LRRCC1: variants seen among roughly 807,000 people sequenced by gnomAD.
The protein encoded by LRRCC1 is leucine rich repeat and coiled-coil centrosomal protein 1, also known as leucine-rich repeat and coiled-coil domain-containing protein 1.
Under a neutral mutation model 126.0 loss-of-function variants are expected in LRRCC1, and 115 were observed. The ratio of observed to expected loss-of-function variants is 0.91; its 90% CI spans 0.78 to 1.07. LRRCC1 has a LOEUF of 1.07. Among genes scored for constraint, LRRCC1 ranks in the 50% least tolerant of loss-of-function variants. The pLI, the probability that LRRCC1 is intolerant of heterozygous loss-of-function variation, is 0.00. For synonymous variants in LRRCC1, 400 were observed against 393.4 expected (o/e 1.02, Z -0.20); for missense variants, 1,172 against 1,175.7 (o/e 1.00, Z 0.05).
intron 6 of LRRCC1, among the ~76,000 whole-genome samples, chr8:85,122,768 CA>C (rs1351055960): frequency 1.1e-4 from 16 of 152,208 alleles, no homozygotes; most frequent in Admixed American, 3.3e-4. Flanking sequence ...CTACGGCAAG[CA>C]ATTTTGAAGT....
chr8:85,127,198 A>G (rs754331330), intron 9 of LRRCC1, among the ~76,000 whole-genome samples: 1 of 152,090 alleles, frequency 6.6e-6, no homozygotes, highest in Admixed American at 6.5e-5. Context: ...CTCATCACAT[A>G]CTTATCTTCT....
In LRRCC1 at chr8:85,115,214, T is replaced by C. The variant is rs1809017236; in HGVS notation, c.659T>C (p.Leu220Pro). Reference protein sequence around the residue: ...TEINSSQLQCLEGLLDNLVSS... With the variant: ...TEINSSQLQCPEGLLDNLVSS... ...ATAAATTCATCACAGCTGCAGTGCC[T>C]AGAAGGTCTTTTGGATAATTTAGTT... Residue 220 changes from leucine (L) to proline (P), a missense_variant, in exon 5 of 19, where the codon CTA (leucine) becomes CCA (proline). Leu to Pro is a moderately conservative substitution (Grantham distance 98, BLOSUM62 -3). Transcript: ENST00000360375. 1.2e-6 allele frequency: 2 copies of C among 1,612,508 alleles called. No individual in the cohort carries two copies. The highest frequency in any genetic ancestry group is 2.7e-5 in the African/African-American group (2 of 74,856).
intron 18 of LRRCC1, among the ~76,000 whole-genome samples, chr8:85,142,232 G>A (rs1811303312): frequency 6.6e-6 from 1 of 152,114 alleles, no homozygotes; most frequent in African/African-American, 2.4e-5. Flanking sequence ...GGTGGAGGTT[G>A]CAGTGAGCCG....
intron 1 of LRRCC1, among the ~76,000 whole-genome samples, chr8:85,108,476 AAACCC>A (rs1188865068): frequency 2.6e-5 from 4 of 152,234 alleles, no homozygotes; most frequent in African/African-American, 9.6e-5. Flanking sequence ...GTTCGGATTC[AAACCC>A]ATTTTCCGTC....
Position 85,115,087 on chromosome 8 carries a change from A to G in LRRCC1, c.545-13A>G, listed in dbSNP as rs769879651. Reference sequence around the variant, plus strand: ...AATATTTCAGTTTTCATTTTGAATGATTTGTTTCCAAGGGTACAGAGCAGT... The same window carrying G: ...AATATTTCAGTTTTCATTTTGAATGGTTTGTTTCCAAGGGTACAGAGCAGT... On this transcript the variant is annotated splice_polypyrimidine_tract_variant and intron_variant, in intron 4 of 18. Coordinates refer to ENST00000360375, the MANE Select transcript of LRRCC1 (RefSeq NM_033402.5). 3 of 1,527,712 alleles carry G rather than the reference A, an allele frequency of 2.0e-6. No individual in the cohort carries two copies. In the East Asian group the frequency reaches 6.9e-5, roughly 35 times the overall value. 94.6% of individuals were successfully genotyped at this position (1,527,712 alleles called of 1,614,324 possible).
chr8:85,137,442 A>G (rs1810950234), intron 14 of LRRCC1, 22 bp from the exon 15 acceptor site: 5 of 1,523,346 alleles, frequency 3.3e-6, no homozygotes, highest in Non-Finnish European at 2.6e-6. Context: ...AAAGTATGTA[A>G]TTGATGATTT....
rs527589049 is a variant in LRRCC1 at position 85,109,679 on chromosome 8, T to C, written c.189T>C (p.His63=). Residue 63 remains histidine, a synonymous_variant, in exon 2 of 19, where the codon CAT becomes CAC. Coordinates refer to ENST00000360375, the MANE Select transcript of LRRCC1 (RefSeq NM_033402.5). ...NNISKIEAID[H]IWNLQHLDLS... ...TCTCCAAGATCGAAGCCATTGATCATATTTGGAATTTACAACATCTAGATC... is the reference window on the plus strand; with the variant it reads ...TCTCCAAGATCGAAGCCATTGATCACATTTGGAATTTACAACATCTAGATC... 2.5e-6 allele frequency: 4 copies of C among 1,610,350 alleles called. No individual in the cohort carries two copies. Among genetic ancestry groups the C allele is most frequent in the South Asian group, 2.2e-5 (2 of 90,862 alleles).
At chr8:85,129,605 A>C (rs1810292163) in intron 10 of LRRCC1, among the ~76,000 whole-genome samples, 1 of 152,214 alleles carries the variant, frequency 6.6e-6, no homozygotes, top group Non-Finnish European at 1.5e-5. Flanking sequence ...GAAATGTTGC[A>C]GGTGGTTAGG....
rs1810960297 is a variant in LRRCC1 at position 85,137,551 on chromosome 8, A to G, written c.2417A>G (p.Glu806Gly). 1.3e-6 allele frequency: 2 copies of G among 1,561,534 alleles called. No homozygotes were observed. Among genetic ancestry groups the G allele is most frequent in the Non-Finnish European group, 1.7e-6 (2 of 1,158,748 alleles). ...RENECLRKTN[E>G]SDSDALRIKC... is the part of the protein sequence containing the mutation. ...AATGAATGTCTGCGAAAGACAAATG[A>G]AAGTGATAGTGATGCATTAAGAATA... Residue 806 changes from glutamate (E) to glycine (G), a missense_variant, in exon 15 of 19, where the codon GAA becomes GGA. Glu to Gly is a moderately conservative substitution (Grantham distance 98). Transcript: ENST00000360375.
chr8:85,131,756 C>G lies in LRRCC1; in HGVS notation c.1767-4C>G, dbSNP rs1355792526. On this transcript the variant is annotated splice_polypyrimidine_tract_variant and splice_region_variant and intron_variant, in intron 11 of 18. Transcript: ENST00000360375. ...CTTTTATCTTTATATGTTTTTCACT[C>G]CAGGAAGGAACTTGAAACAAGGGAG... 2 of 1,608,116 alleles carry G rather than the reference C, an allele frequency of 1.2e-6. No homozygotes were observed. Among genetic ancestry groups the G allele is most frequent in the Non-Finnish European group, 1.7e-6 (2 of 1,177,438 alleles).
intron 18 of LRRCC1, among the ~76,000 whole-genome samples, chr8:85,143,492 A>G (rs887706095): frequency 6.6e-6 from 1 of 152,040 alleles, no homozygotes; most frequent in Non-Finnish European, 1.5e-5. Flanking sequence ...TGTGTTAATT[A>G]GCCTGGCATG....
chr8:85,119,374 C>G (rs1215013742), intron 6 of LRRCC1, among the ~76,000 whole-genome samples: 1 of 151,964 alleles, frequency 6.6e-6, no homozygotes, highest in Non-Finnish European at 1.5e-5. Context: ...TTTTGATGAT[C>G]TTTTCAGAGA....
In LRRCC1 at chr8:85,115,441, A is replaced by G; in HGVS notation, c.787A>G (p.Ser263Gly). Residue 263 changes from serine to glycine, a missense_variant, in exon 6 of 19, where the codon AGT becomes GGT. Ser to Gly is a moderately conservative substitution (Grantham distance 56). Transcript: ENST00000360375. ...GTTAGTTCCCTTGGAACAGTTTGCAAGTACACCAAGTGATGCTGTGTTGAC... is the reference window on the plus strand; with the variant it reads ...GTTAGTTCCCTTGGAACAGTTTGCAGGTACACCAAGTGATGCTGTGTTGAC... ...DELVPLEQFA[S>G]TPSDAVLTSF... The G allele has an allele frequency of 1.9e-6, 3 of 1,613,724 alleles. No homozygotes were observed. The highest frequency in any genetic ancestry group is 2.5e-6 in the Non-Finnish European group (3 of 1,179,682).
intron 17 of LRRCC1, among the ~76,000 whole-genome samples, chr8:85,140,750 C>G (rs898214258): frequency 6.6e-6 from 1 of 152,122 alleles, no homozygotes; most frequent in East Asian, 1.9e-4. Flanking sequence ...TAGTAGTCAT[C>G]ATCTGTGAAG....
rs190510134 is a variant in LRRCC1 at position 85,127,664 on chromosome 8, T to C, written c.1421+827T>C. 1.9e-3 allele frequency among the ~76,000 whole-genome samples: 290 copies of C among 152,332 alleles called. 2 individuals carry two copies. Among genetic ancestry groups the C allele is most frequent in the African/African-American group, 3.9e-3 (161 of 41,564 alleles). ...TTTCTTTTAGGCACTTTTGTGATACTGACGTGGTGTTTTCTACCCCACTGC... is the reference window on the plus strand; with the variant it reads ...TTTCTTTTAGGCACTTTTGTGATACCGACGTGGTGTTTTCTACCCCACTGC... On this transcript the variant is annotated intron_variant, in intron 9 of 18. Transcript: ENST00000360375.
At chr8:85,113,394 A>T (rs1808870889) in intron 4 of LRRCC1, among the ~76,000 whole-genome samples, 5 of 152,136 alleles carry the variant, frequency 3.3e-5, no homozygotes. Context: ...CTATGCAGCC[A>T]CAGGAAAGAA....
intron 6 of LRRCC1, among the ~76,000 whole-genome samples, chr8:85,116,070 C>A (rs894808877): frequency 6.6e-6 from 1 of 152,164 alleles, no homozygotes. Flanking sequence ...TCTATACTTT[C>A]CTGAGCTGTT....
At chr8:85,125,695 G>C (rs1345787781) in intron 8 of LRRCC1, among the ~76,000 whole-genome samples, 4 of 76,086 alleles carry the variant, frequency 5.3e-5, no homozygotes, top group African/African-American at 2.2e-4. Flanking sequence ...AAAAAGAGGT[G>C]TTCAAAAATG....
At position 85,110,148 on chromosome 8, in the gene LRRCC1, AT is replaced by A. The variant is rs1808593159; in HGVS notation, c.345del (p.Asn115LysfsTer7). 7.4e-7 allele frequency: 1 copy of A among 1,342,312 alleles called. No homozygotes were observed. Among genetic ancestry groups the A allele is most frequent in the Non-Finnish European group, 1.0e-6 (1 of 972,712 alleles). 83.2% of individuals were successfully genotyped at this position (1,342,312 alleles called of 1,614,324 possible). ...GAACTAATTAATCTGACTAGACTAA[AT>A]GTATCTTATAACCACATAGATGATC... Reference protein sequence around the residue: ...LEELINLTRLNVSYNHIDDLS... With the variant: ...LEELINLTRLXVSYNHIDDLS... On this transcript the variant is annotated frameshift_variant, in exon 3 of 19. Coordinates refer to ENST00000360375, the MANE Select transcript of LRRCC1 (RefSeq NM_033402.5). LOFTEE classifies it high-confidence loss of function.
Sources: allele counts gnomAD v4.1 joint callset (sites outside exome capture counted in the v4.1 genomes callset), GRCh38; gene constraint gnomAD v4.1.1; transcripts MANE v1.5; gene names NCBI Gene and HGNC (gene_info 2026-07-23, HGNC 2026-07-21).